MANBA: variants seen among roughly 807,000 people sequenced by gnomAD.
MANBA encodes the protein mannosidase beta.
MANBA carries 83 observed loss-of-function variants against 111.1 expected under a neutral mutation model. The ratio of observed to expected loss-of-function variants is 0.75; its 90% CI spans 0.63 to 0.90. The LOEUF is 0.90. Among genes scored for constraint, MANBA ranks in the 40% least tolerant of loss-of-function variants. MANBA has a pLI of 0.00. For missense variants in MANBA, 1,036 were observed against 1,069.0 expected (o/e 0.97, Z 0.43); for synonymous variants, 370 against 378.7 (o/e 0.98, Z 0.27).
chr4:102,730,805 A>C (rs223498), intron 1 of MANBA: 230,555 of 425,652 alleles, frequency 0.54, 64,929 homozygotes, highest in African/African-American at 0.81. Flanking sequence ...ATTTCCTTAT[A>C]CTTTGTCCTC....
intron 7 of MANBA, 23 bp downstream of exon 7, chr4:102,689,551 A>C: frequency 4.3e-6 from 6 of 1,391,198 alleles, no homozygotes; most frequent in Non-Finnish European, 6.1e-6. Flanking sequence ...TATTTCACAA[A>C]ATATTTTAAA....
chr4:102,743,009 C>T (rs1723462704), intron 1 of MANBA, among the ~76,000 whole-genome samples: 1 of 152,202 alleles, frequency 6.6e-6, no homozygotes, highest in Non-Finnish European at 1.5e-5. Flanking sequence ...ACCATGGCCA[C>T]TTTGTTCATG....
At chr4:102,723,287 T>C (rs889091133) in intron 3 of MANBA, among the ~76,000 whole-genome samples, 1 of 152,190 alleles carries the variant, frequency 6.6e-6, no homozygotes, top group Admixed American at 6.5e-5. Flanking sequence ...CTATTTTTCC[T>C]GGCAAAATGA....
At chr4:102,732,387 G>A (rs1158832157) in intron 1 of MANBA, among the ~76,000 whole-genome samples, 11 of 152,164 alleles carry the variant, frequency 7.2e-5, no homozygotes, top group East Asian at 1.9e-4. Flanking sequence ...CTTAGGGACC[G>A]TAACTCCAAG....
At chr4:102,658,222 T>C (rs1426911612) in intron 11 of MANBA, among the ~76,000 whole-genome samples, 2 of 152,216 alleles carry the variant, frequency 1.3e-5, no homozygotes, top group African/African-American at 4.8e-5. Flanking sequence ...TTTGACACTA[T>C]TGACATTTTG....
chr4:102,729,011 A>G, intron 1 of MANBA: 2 of 961,674 alleles, frequency 2.1e-6, no homozygotes, highest in African/African-American at 1.6e-5. Flanking sequence ...GTAGGTGGCT[A>G]TCTCGATGTC....
chr4:102,721,022 A>G (rs1019779362), intron 4 of MANBA, among the ~76,000 whole-genome samples: 1 of 152,222 alleles, frequency 6.6e-6, no homozygotes, highest in African/African-American at 2.4e-5. Flanking sequence ...AATGAGCCCA[A>G]TCATTACATT....
At chr4:102,721,424 T>C (rs999445163) in intron 4 of MANBA, among the ~76,000 whole-genome samples, 5 of 152,126 alleles carry the variant, frequency 3.3e-5, no homozygotes, top group South Asian at 2.1e-4. Context: ...TCTGGGAATA[T>C]ATCCAAAAGA....
intron 1 of MANBA, among the ~76,000 whole-genome samples, chr4:102,760,405 G>GC (rs1724194663): frequency 6.6e-6 from 1 of 152,160 alleles, no homozygotes; most frequent in South Asian, 2.1e-4. Context: ...GTGACGGCAT[G>GC]CCCTTTGTAT....
At chr4:102,690,519 G>T in intron 6 of MANBA, 77 bp downstream of exon 6, 2 of 1,363,962 alleles carry the variant, frequency 1.5e-6, no homozygotes, top group Non-Finnish European at 2.1e-6. Flanking sequence ...TTCATACTTA[G>T]TCCCTCCTTT....
At chr4:102,641,711 G>A (rs1026669088) in intron 13 of MANBA, among the ~76,000 whole-genome samples, 2 of 151,952 alleles carry the variant, frequency 1.3e-5, no homozygotes, top group Non-Finnish European at 2.9e-5. Context: ...AGCATTATCT[G>A]CAAGATATAT....
intron 1 of MANBA, chr4:102,751,935 G>A: frequency 1.5e-6 from 1 of 662,656 alleles, no homozygotes; most frequent in Non-Finnish European, 2.9e-6. Context: ...GAAACAAAGT[G>A]AAAGCCCGAC....
chr4:102,723,239 T>C (rs914094655), intron 3 of MANBA, among the ~76,000 whole-genome samples, 198 bp from the exon 4 acceptor site: 6 of 152,230 alleles, frequency 3.9e-5, no homozygotes, highest in African/African-American at 9.6e-5. Context: ...AAACTAAGCA[T>C]ATTTTCCTAC....
intron 13 of MANBA, among the ~76,000 whole-genome samples, chr4:102,646,773 G>A (rs1730123016): frequency 6.6e-6 from 1 of 152,082 alleles, no homozygotes; most frequent in Admixed American, 6.6e-5. Context: ...ATATAACAGG[G>A]CAAGAGGGAG....
At position 102,643,051 on chromosome 4, in the gene MANBA, T is replaced by C. The variant is rs538727399; in HGVS notation, c.1870-3194A>G. On this transcript the variant is annotated intron_variant, in intron 13 of 16. Coordinates refer to ENST00000647097, the MANE Select transcript of MANBA (RefSeq NM_005908.4). The stretch of plus-strand genomic sequence containing the variant: ...TAAGGTTGCACAACTCTTTCCACTA[T>C]CTAATTCCAGAATATTTTCATCACC... Among the ~76,000 whole-genome samples the C allele has an allele frequency of 3.0e-4, 45 of 152,154 alleles. 1 individual carries two copies. The highest frequency in any genetic ancestry group is 5.7e-4 in the Non-Finnish European group (39 of 68,026).
chr4:102,742,582 A>G (rs1376206914), intron 1 of MANBA, among the ~76,000 whole-genome samples: 1 of 152,188 alleles, frequency 6.6e-6, no homozygotes, highest in Non-Finnish European at 1.5e-5. Flanking sequence ...GGAACATGGT[A>G]AGACCAGTGA....
chr4:102,706,142 C>T (rs1054586519), intron 5 of MANBA, among the ~76,000 whole-genome samples: 6 of 152,164 alleles, frequency 3.9e-5, no homozygotes, highest in Non-Finnish European at 1.5e-5. Context: ...CCTGGAGGCC[C>T]AAGATTCATC....
chr4:102,688,404 C>CACACACAA (rs1215891498), intron 7 of MANBA, among the ~76,000 whole-genome samples: 2 of 151,846 alleles, frequency 1.3e-5, no homozygotes, highest in African/African-American at 4.8e-5. Flanking sequence ...CACACACACA[C>CACACACAA]ACACACACAC....
Position 102,737,490 on chromosome 4 carries a change from G to A in MANBA, c.178-10807C>T, listed in dbSNP as rs188709321. 1.1e-3 allele frequency among the ~76,000 whole-genome samples: 163 copies of A among 149,468 alleles called. 1 individual carries two copies. Among genetic ancestry groups the A allele is most frequent in the Non-Finnish European group, 2.2e-4 (15 of 66,948 alleles). On this transcript the variant is annotated intron_variant, in intron 1 of 16. Transcript: ENST00000647097. ...CCTGTGGTGTTTTTTTTGTTTGTTTGTTTTTTTTTTGAAATGGAGTCTCGC... is the reference window on the plus strand; with the variant it reads ...CCTGTGGTGTTTTTTTTGTTTGTTTATTTTTTTTTTGAAATGGAGTCTCGC...
Sources: gnomAD v4.1 joint callset for allele counts (sites outside exome capture counted in the v4.1 genomes callset) on GRCh38, gnomAD v4.1.1 for gene constraint, MANE v1.5 for transcripts, NCBI Gene and HGNC (gene_info 2026-07-23, HGNC 2026-07-21) for gene names.